The following FOXP2 variants were observed in gnomAD, a reference collection of about 807,000 sequenced individuals.
FOXP2 encodes forkhead box protein P2.
FOXP2 carries 12 observed loss-of-function variants against 115.8 expected under a neutral mutation model. The observed-to-expected ratio is 0.10, with a 90% CI of 0.07 to 0.17. The LOEUF (loss-of-function observed/expected upper bound fraction) is 0.17. FOXP2 is among the 10% of genes least tolerant of loss of function. The pLI, the probability that FOXP2 is intolerant of heterozygous loss-of-function variation, is 1.00. For missense variants in FOXP2, 629 were observed against 843.5 expected, an observed-to-expected ratio of 0.75 and a Z score of 3.15; for synonymous variants, 328 against 297.7, an observed-to-expected ratio of 1.10 and a Z score of -1.05.
intron 2 of FOXP2, among the ~76,000 whole-genome samples, chr7:114,291,483 T>C (rs1173994905): frequency 6.6e-6 from 1 of 152,138 alleles, no homozygotes; most frequent in Non-Finnish European, 1.5e-5. Flanking sequence ...TCTATTACCA[T>C]ATGATGAATT....
intron 8 of FOXP2, among the ~76,000 whole-genome samples, chr7:114,648,869 G>A (rs995964932): frequency 1.3e-5 from 2 of 151,922 alleles, no homozygotes; most frequent in Admixed American, 1.3e-4. Flanking sequence ...CTTTCTGAAG[G>A]CACCCTTTGC....
Position 114,657,916 on chromosome 7 carries a change from C to A in FOXP2, c.1267-150C>A. 3.9e-6 allele frequency: 3 copies of A among 767,854 alleles called. No homozygotes were observed. The South Asian group carries it at 4.5e-5, about 11-fold the overall frequency. The allele number at this position is 767,854 out of a possible 1,614,324, so 47.6% of individuals were successfully genotyped here. A position where few individuals can be genotyped will look rare whatever the true frequency, so the allele number is the denominator to read the frequency against. On this transcript the variant is annotated intron_variant, in intron 10 of 16. Transcript: ENST00000350908. ...TAGAGTTCTTATGATACAATTTCATCCTGTAATTAGTTGAGATTGGCTGCT... is the reference window on the plus strand; with the variant it reads ...TAGAGTTCTTATGATACAATTTCATACTGTAATTAGTTGAGATTGGCTGCT...
In FOXP2 at chr7:114,644,681, A is replaced by G. The variant is rs531363183; in HGVS notation, c.990-4A>G. 9.3e-6 allele frequency: 15 copies of G among 1,612,660 alleles called. No homozygotes were observed. The South Asian group carries it at 1.4e-4, about 15-fold the overall frequency. ...GAATCTGACGTCGTGTTCTTTTGCT[A>G]CAGCTCGTCACATGAGGAGACTGGG... On this transcript the variant is annotated splice_region_variant and splice_polypyrimidine_tract_variant and intron_variant, in intron 7 of 16. Transcript: ENST00000350908.
At chr7:114,454,922 T>A (rs1216130879) in intron 2 of FOXP2, among the ~76,000 whole-genome samples, 1 of 135,488 alleles carries the variant, frequency 7.4e-6, no homozygotes, top group African/African-American at 2.8e-5. Context: ...TAATGCTAGA[T>A]GACGAGTTAG....
intron 2 of FOXP2, among the ~76,000 whole-genome samples, chr7:114,513,079 T>G (rs2129263209): frequency 6.6e-6 from 1 of 152,240 alleles, no homozygotes. Context: ...CAAGACTCCA[T>G]CTCAAAACAA....
intron 3 of FOXP2, among the ~76,000 whole-genome samples, chr7:114,538,151 AC>A (rs1799486924): frequency 6.6e-6 from 1 of 151,458 alleles, no homozygotes; most frequent in Non-Finnish European, 1.5e-5. Context: ...TTAACACATC[AC>A]CCCACACACA....
At chr7:114,384,425 A>G (rs1792389172) in intron 2 of FOXP2, among the ~76,000 whole-genome samples, 2 of 152,182 alleles carry the variant, frequency 1.3e-5, no homozygotes, top group Admixed American at 6.5e-5. Flanking sequence ...GGCTGAGTGC[A>G]AACAGCTCGC....
intron 6 of FOXP2, among the ~76,000 whole-genome samples, chr7:114,632,061 C>G (rs922050200): frequency 6.6e-6 from 1 of 152,182 alleles, no homozygotes; most frequent in African/African-American, 2.4e-5. Flanking sequence ...GTCCATTTAA[C>G]TAAGTGAGCT....
intron 1 of FOXP2, among the ~76,000 whole-genome samples, chr7:114,176,367 C>T (rs1793310872): frequency 6.7e-6 from 1 of 148,482 alleles, no homozygotes; most frequent in Non-Finnish European, 1.5e-5. Context: ...TTGACAGGGT[C>T]TCAGTCTGTC....
At chr7:114,535,816 G>A (rs1049063831) in intron 3 of FOXP2, among the ~76,000 whole-genome samples, 2 of 151,660 alleles carry the variant, frequency 1.3e-5, no homozygotes, top group Non-Finnish European at 3.0e-5. Flanking sequence ...GATAAGGGAT[G>A]TTTCAACAGA....
intron 16 of FOXP2, chr7:114,666,145 A>G (rs1456669911): frequency 6.6e-6 from 1 of 152,116 alleles, no homozygotes; most frequent in African/African-American, 2.4e-5. Flanking sequence ...CATAGTTAAT[A>G]TATAACACAT....
At chr7:114,349,792 G>T (rs1360475882) in intron 2 of FOXP2, among the ~76,000 whole-genome samples, 1 of 151,966 alleles carries the variant, frequency 6.6e-6, no homozygotes, top group Non-Finnish European at 1.5e-5. Context: ...GGTGTGGATA[G>T]GGTTTATTAA....
chr7:114,644,722 T>C lies in FOXP2; in HGVS notation c.1027T>C (p.Tyr343His). 1.2e-6 allele frequency: 2 copies of C among 1,613,982 alleles called. No homozygotes were observed. The highest frequency in any genetic ancestry group is 1.7e-6 in the Non-Finnish European group (2 of 1,179,926). Reference protein sequence around the residue: ...HEETGASHTLYGHGVCKWPGC... With the variant: ...HEETGASHTLHGHGVCKWPGC... ...GGAGACTGGGGCCTCTCACACTCTC[T>C]ATGGCCATGGAGTTTGCAAATGGCC... The change falls in exon 8 of 17, where the codon TAT becomes CAT. Residue 343 changes from tyrosine to histidine, a missense_variant. Physicochemically the swap from Tyr to His is moderately conservative, Grantham distance 83. Coordinates refer to ENST00000350908, the MANE Select transcript of FOXP2 (RefSeq NM_014491.4).
intron 3 of FOXP2, among the ~76,000 whole-genome samples, chr7:114,587,240 C>G (rs1299951214): frequency 6.6e-6 from 1 of 152,002 alleles, no homozygotes; most frequent in Non-Finnish European, 1.5e-5. Context: ...TCCCCACCCC[C>G]TAACAGGCCC....
intron 2 of FOXP2, among the ~76,000 whole-genome samples, chr7:114,327,403 T>C (rs895884710): frequency 6.6e-6 from 1 of 152,170 alleles, no homozygotes; most frequent in African/African-American, 2.4e-5. Flanking sequence ...TTAATAAATG[T>C]TTTGCCTCTT....
chr7:114,269,434 G>C (rs572890199), intron 1 of FOXP2, among the ~76,000 whole-genome samples: 3 of 151,842 alleles, frequency 2.0e-5, no homozygotes, highest in Non-Finnish European at 4.4e-5. Flanking sequence ...ATCTTTTTTT[G>C]TTTGTTTTTG....
rs562810459 is a variant in FOXP2 at position 114,590,021 on chromosome 7, T to C, written c.259-38519T>C. ...AAACCAGAACTCAATAGTTCTGTAA[T>C]ATTTTATTTAAATTACAGTAATGTA... On this transcript the variant is annotated intron_variant, in intron 3 of 16. Transcript: ENST00000350908. 2.6e-5 allele frequency among the ~76,000 whole-genome samples: 4 copies of C among 152,308 alleles called. No individual in the cohort carries two copies. The East Asian group carries it at 7.7e-4, about 29-fold the overall frequency.
chr7:114,225,588 G>A lies in FOXP2; in HGVS notation c.-101-62431G>A, dbSNP rs141549226. On this transcript the variant is annotated intron_variant, in intron 1 of 17. Transcript: ENST00000634411. Reference sequence around the variant, plus strand: ...GTCTCCCAAGCAACTGGGACTACGGGTGCATGCCACCATGCCAGGCTAATT... The same window carrying A: ...GTCTCCCAAGCAACTGGGACTACGGATGCATGCCACCATGCCAGGCTAATT... Among the ~76,000 whole-genome samples, 754 of 152,018 alleles carry A rather than the reference G, an allele frequency of 5.0e-3. 3 individuals are homozygous for A. Among genetic ancestry groups the A allele is most frequent in the African/African-American group, 0.017 (707 of 41,444 alleles).
chr7:114,481,831 A>G (rs1455592900), intron 2 of FOXP2, among the ~76,000 whole-genome samples: 2 of 149,778 alleles, frequency 1.3e-5, no homozygotes, highest in Non-Finnish European at 3.0e-5. Context: ...TATCTAATCT[A>G]TAATGGTTAG....
Sources: allele counts gnomAD v4.1 joint callset (sites outside exome capture counted in the v4.1 genomes callset), GRCh38; gene constraint gnomAD v4.1.1; transcripts MANE v1.5; gene names NCBI Gene and HGNC (gene_info 2026-07-23, HGNC 2026-07-21).